RHCE: variants seen among roughly 807,000 people sequenced by gnomAD.
RHCE encodes the protein Rh blood group CcEe antigens.
In RHCE, 22 loss-of-function variants were observed where a neutral mutation model predicts 43.8. The ratio of observed to expected loss-of-function variants is 0.50; its 90% CI spans 0.36 to 0.72. The LOEUF is 0.72. RHCE is among the 30% of genes least tolerant of loss of function. The pLI, the probability that RHCE is intolerant of heterozygous loss-of-function variation, is 0.00. For synonymous variants in RHCE, 156 were observed against 210.7 expected (o/e 0.74, Z 2.25); for missense variants, 385 against 525.4 (o/e 0.73, Z 2.61).
At chr1:25,425,303 T>C (rs1202857985), upstream of RHCE, among the ~76,000 whole-genome samples, 8 of 152,236 alleles carry the variant, frequency 5.3e-5, no homozygotes, top group Non-Finnish European at 1.2e-4. Flanking sequence ...CCAATCATTT[T>C]GCATATGCTA....
chr1:25,401,182 T>C (rs1267073958), intron 3 of RHCE, among the ~76,000 whole-genome samples: 2 of 152,082 alleles, frequency 1.3e-5, no homozygotes, highest in Admixed American at 6.6e-5. Context: ...GGCTTCATGC[T>C]TTTTTTTGTA....
chr1:25,414,720 T>C (rs1351528468), intron 1 of RHCE, among the ~76,000 whole-genome samples: 2 of 152,164 alleles, frequency 1.3e-5, no homozygotes, highest in Non-Finnish European at 2.9e-5. Flanking sequence ...AGGGAAGCTC[T>C]GCCTGGTAGG....
chr1:25,405,451 G>C (rs186533807), intron 2 of RHCE, among the ~76,000 whole-genome samples: 1 of 152,150 alleles, frequency 6.6e-6, no homozygotes, highest in Non-Finnish European at 1.5e-5. Context: ...TCAGGAGTTC[G>C]AGACCAACCT....
chr1:25,412,356 GAAGT>G (rs925738600), intron 1 of RHCE, among the ~76,000 whole-genome samples: 10 of 152,150 alleles, frequency 6.6e-5, no homozygotes, highest in Admixed American at 1.3e-4. Context: ...ATATTCCAAA[GAAGT>G]TAGTGGAAGA....
chr1:25,424,405 T>G (rs2042789921), upstream of RHCE, among the ~76,000 whole-genome samples: 1 of 152,052 alleles, frequency 6.6e-6, no homozygotes, highest in South Asian at 2.1e-4. Flanking sequence ...GTTTTTTTTT[T>G]AGATGAAGTT....
chr1:25,392,266 G>A, intron 3 of RHCE, 125 bp from the exon 4 acceptor site: 10 of 1,515,870 alleles, frequency 6.6e-6, no homozygotes, highest in Non-Finnish European at 9.1e-6. Context: ...CGAGACTGGT[G>A]TTCAGAGCTT....
chr1:25,377,394 C>A (rs1456751568), intron 7 of RHCE, among the ~76,000 whole-genome samples: 1 of 151,932 alleles, frequency 6.6e-6, no homozygotes, highest in Non-Finnish European at 1.5e-5. Flanking sequence ...GACAGGGTTT[C>A]ACCATGTTGG....
At chr1:25,394,282 C>T (rs1248698636) in intron 3 of RHCE, among the ~76,000 whole-genome samples, 1 of 152,036 alleles carries the variant, frequency 6.6e-6, no homozygotes, top group Non-Finnish European at 1.5e-5. Context: ...AGCCACCGCA[C>T]CCAGCCTATT....
At chr1:25,376,412 C>T (rs1645788933) in intron 7 of RHCE, among the ~76,000 whole-genome samples, 2 of 152,202 alleles carry the variant, frequency 1.3e-5, no homozygotes, top group Admixed American at 6.5e-5. Flanking sequence ...CTTGTCTCAA[C>T]AGGTGGGCAG....
intron 1 of RHCE, among the ~76,000 whole-genome samples, chr1:25,414,673 C>T (rs977504241): frequency 5.9e-5 from 9 of 152,154 alleles, no homozygotes; most frequent in African/African-American, 2.2e-4. Context: ...GTATCCACAG[C>T]ACAGGACCCA....
intron 7 of RHCE, among the ~76,000 whole-genome samples, chr1:25,377,034 C>G (rs576381899): frequency 6.6e-6 from 1 of 152,272 alleles, no homozygotes; most frequent in South Asian, 2.1e-4. Context: ...GCCATCCCCC[C>G]TTCCGTGTGG....
Position 25,362,386 on chromosome 1 carries a change from A to G in RHCE, c.*141T>C. 6.3e-7 allele frequency: 1 copy of G among 1,587,254 alleles called. No individual in the cohort carries two copies. The highest frequency in any genetic ancestry group is 1.4e-5 in the African/African-American group (1 of 73,890). On this transcript the variant is annotated 3_prime_UTR_variant, in exon 10 of 10. Coordinates refer to ENST00000294413, the MANE Select transcript of RHCE (RefSeq NM_020485.8). ...AGTTTTTAGTCTTTAATTTTTTAAT[A>G]TCAAATCTGTCTCTGACCTTGTTTC...
intron 3 of RHCE, among the ~76,000 whole-genome samples, chr1:25,393,927 T>C (rs973368479): frequency 6.6e-6 from 1 of 152,166 alleles, no homozygotes; most frequent in Non-Finnish European, 1.5e-5. Context: ...GTGCCTTGTC[T>C]GCAGAGGGTG....
chr1:25,413,379 G>A (rs1316172414), intron 1 of RHCE, among the ~76,000 whole-genome samples: 1 of 152,080 alleles, frequency 6.6e-6, no homozygotes, highest in African/African-American at 2.4e-5. Flanking sequence ...GTCCCAGCTT[G>A]GAGCATCCTC....
At chr1:25,381,281 T>C (rs1489790393) in intron 7 of RHCE, among the ~76,000 whole-genome samples, 1 of 152,116 alleles carries the variant, frequency 6.6e-6, no homozygotes, top group Admixed American at 6.6e-5. Context: ...GGTTCTTCAG[T>C]TCCATCTGAG....
At chr1:25,390,650 C>G (rs1378564342) in intron 5 of RHCE, 99 bp downstream of exon 5, 10 of 1,419,476 alleles carry the variant, frequency 7.0e-6, no homozygotes, top group Admixed American at 5.1e-5. Context: ...CCGGCATGCC[C>G]TCTCCCAACC....
chr1:25,389,154 G>A (rs370689595), intron 5 of RHCE, 41 bp from the exon 6 acceptor site: 36 of 1,599,274 alleles, frequency 2.3e-5, no homozygotes, highest in Non-Finnish European at 3.0e-5. Flanking sequence ...GCAAGGTAGA[G>A]AGAGAACACC....
chr1:25,416,823 G>GGGT (rs372456902), intron 1 of RHCE, among the ~76,000 whole-genome samples: 1 of 148,952 alleles, frequency 6.7e-6, no homozygotes, highest in African/African-American at 2.5e-5. Context: ...AGATGGCGGG[G>GGGT]GGGGGTCTCC....
chr1:25,419,990 A>T (rs1406634882), intron 1 of RHCE, among the ~76,000 whole-genome samples: 1 of 147,388 alleles, frequency 6.8e-6, no homozygotes, highest in East Asian at 1.9e-4. Flanking sequence ...CCAGTCTGGG[A>T]AACACAGGGA....
Sources: gnomAD v4.1 joint callset for allele counts (sites outside exome capture counted in the v4.1 genomes callset) on GRCh38, gnomAD v4.1.1 for gene constraint, MANE v1.5 for transcripts, NCBI Gene and HGNC (gene_info 2026-07-23, HGNC 2026-07-21) for gene names.